The following FBLN1 variants were observed in gnomAD, a reference collection of about 807,000 sequenced individuals.
The protein encoded by FBLN1 is fibulin 1, also known as fibulin-1.
FBLN1 carries 34 observed loss-of-function variants against 89.7 expected under a neutral mutation model. That is an observed-to-expected ratio of 0.38 (90% CI 0.29 to 0.50). The LOEUF (loss-of-function observed/expected upper bound fraction) is 0.50. Ranked by LOEUF, FBLN1 falls within the 20% of genes least tolerant of loss-of-function variation. The pLI, the probability that FBLN1 is intolerant of heterozygous loss-of-function variation, is 0.92. For missense variants in FBLN1, 777 were observed against 988.1 expected (o/e 0.79, Z 2.86); for synonymous variants, 393 against 391.3 (o/e 1.00, Z -0.05).
At chr22:45,541,993 G>T (rs550727234) in intron 9 of FBLN1, among the ~76,000 whole-genome samples, 162 bp from the exon 10 acceptor site, 1 of 152,372 alleles carries the variant, frequency 6.6e-6, no homozygotes, top group African/African-American at 2.4e-5. Context: ...TATCTTCCCA[G>T]TCCAGGGCCC....
In FBLN1 at chr22:45,533,201, G is replaced by A. The variant is rs1240116426; in HGVS notation, c.646+37G>A. 20 of 1,564,924 alleles carry A rather than the reference G, an allele frequency of 1.3e-5. 1 individual carries two copies. Among genetic ancestry groups the A allele is most frequent in the African/African-American group, 2.7e-5 (2 of 73,964 alleles). ...ATCCCAGGTGCCAGCAGGACTGGCCGGTCACTGTGCTTGGGAGCTCTGTGC... is the reference window on the plus strand; with the variant it reads ...ATCCCAGGTGCCAGCAGGACTGGCCAGTCACTGTGCTTGGGAGCTCTGTGC... On this transcript the variant is annotated intron_variant, in intron 6 of 16. Transcript: ENST00000327858.
chr22:45,592,242 A>G (rs1465523141), intron 16 of FBLN1, among the ~76,000 whole-genome samples: 1 of 152,116 alleles, frequency 6.6e-6, no homozygotes, highest in East Asian at 1.9e-4. Context: ...GTCTCCACCC[A>G]TGTCTCCTGC....
Position 45,565,024 on chromosome 22 carries a change from T to C in FBLN1, c.1698-9487T>C, listed in dbSNP as rs563978250. 449 of 1,612,506 alleles carry C rather than the reference T, an allele frequency of 2.8e-4. 4 individuals are homozygous for C. The South Asian group carries it at 4.5e-3, about 16-fold the overall frequency. ...AGATGGACCTGGACAGACAGTCAGC[T>C]CCACACCTTGCGCTGAGCAGCTGTG... On this transcript the variant is annotated intron_variant, in intron 14 of 16. Transcript: ENST00000327858.
chr22:45,511,750 C>T (rs2088104157), intron 1 of FBLN1, among the ~76,000 whole-genome samples: 1 of 152,122 alleles, frequency 6.6e-6, no homozygotes, highest in African/African-American at 2.4e-5. Flanking sequence ...CTCCCGGCCT[C>T]TTCCCCCATT....
chr22:45,551,614 GT>G (rs1411573615), intron 14 of FBLN1, among the ~76,000 whole-genome samples: 1 of 152,210 alleles, frequency 6.6e-6, no homozygotes, highest in Non-Finnish European at 1.5e-5. Context: ...ACGGATTTCT[GT>G]CTGCTTGAAA....
chr22:45,511,587 C>T (rs1423028503), intron 1 of FBLN1, among the ~76,000 whole-genome samples: 3 of 151,916 alleles, frequency 2.0e-5, no homozygotes, highest in African/African-American at 7.3e-5. Flanking sequence ...GCTGGGATTT[C>T]AGGTGCCCGC....
Position 45,532,902 on chromosome 22 carries a change from G to A in FBLN1, c.545-161G>A, listed in dbSNP as rs2088428323. 1 of 670,792 alleles carries A rather than the reference G, an allele frequency of 1.5e-6. No homozygotes were observed. The highest frequency in any genetic ancestry group is 1.7e-5 in the South Asian group (1 of 58,514). 41.6% of individuals were successfully genotyped at this position (670,792 alleles called of 1,614,324 possible). A position where few individuals can be genotyped will look rare whatever the true frequency, so the allele number is the denominator to read the frequency against. On this transcript the variant is annotated intron_variant, in intron 5 of 16. Coordinates refer to ENST00000327858, the MANE Select transcript of FBLN1 (RefSeq NM_006486.3). The surrounding 1 kb of genome is among the most constrained non-coding windows in gnomAD (Gnocchi z 4.2). ...GGGGGTGTCCAGAGCCAGAGCCTGG[G>A]GGTCTCCCAGTAGGGCAGCAGGTGG... is the stretch of plus-strand genomic sequence containing the variant.
intron 7 of FBLN1, among the ~76,000 whole-genome samples, chr22:45,534,292 CAAAAAAAAAAAAA>C (rs136746): frequency 6.0e-5 from 5 of 83,230 alleles, no homozygotes; most frequent in East Asian, 4.4e-4. Context: ...GTACTTTCTA[CAAAAAAAAAAAAA>C]AAAAAAAAAA....
In FBLN1 at chr22:45,574,698, C is replaced by T; in HGVS notation, c.1840+45C>T. On this transcript the variant is annotated intron_variant, in intron 15 of 16. Coordinates refer to ENST00000327858, the MANE Select transcript of FBLN1 (RefSeq NM_006486.3). The surrounding 1 kb of genome is among the most constrained non-coding windows in gnomAD (Gnocchi z 4.1). ...GGGTCCCAGGGCCCCCTAGGGCCTC[C>T]CTCGGCTTCAGCTGAGGGCTTGGCC... 6.3e-7 allele frequency: 1 copy of T among 1,590,770 alleles called. No individual in the cohort carries two copies. The highest frequency in any genetic ancestry group is 8.6e-7 in the Non-Finnish European group (1 of 1,166,316).
At chr22:45,567,662 A>G (rs1055435336) in intron 14 of FBLN1, among the ~76,000 whole-genome samples, 1 of 152,174 alleles carries the variant, frequency 6.6e-6, no homozygotes, top group African/African-American at 2.4e-5. Context: ...GGAAAGGCAG[A>G]TGCATTATTT....
At chr22:45,511,765 C>T (rs2088104382) in intron 1 of FBLN1, among the ~76,000 whole-genome samples, 1 of 152,078 alleles carries the variant, frequency 6.6e-6, no homozygotes, top group Non-Finnish European at 1.5e-5. Flanking sequence ...CCCATTTTTA[C>T]AGATGAAGGA....
chr22:45,535,824 C>A (rs1005833376), intron 8 of FBLN1, among the ~76,000 whole-genome samples: 29 of 152,208 alleles, frequency 1.9e-4, no homozygotes, highest in Admixed American at 1.8e-3. Context: ...AGTACTGGTA[C>A]ACAGGAAGCA....
At chr22:45,589,865 G>T (rs1427429499) in intron 16 of FBLN1, among the ~76,000 whole-genome samples, 3 of 151,996 alleles carry the variant, frequency 2.0e-5, no homozygotes, top group African/African-American at 4.8e-5. Context: ...CCCTTTTCTT[G>T]TTGGGCACCT....
At position 45,563,864 on chromosome 22, in the gene FBLN1, A is replaced by G. The variant is rs1303866550; in HGVS notation, c.1698-10647A>G. On this transcript the variant is annotated intron_variant, in intron 14 of 16. Transcript: ENST00000327858. The surrounding 1 kb of genome is among the most constrained non-coding windows in gnomAD (Gnocchi z 5.7). ...GCCTCCTCTTCTGTTTGTCTTGATCAGAAGCCCAAATCTGTGGTGCAGAAA... is the reference window on the plus strand; with the variant it reads ...GCCTCCTCTTCTGTTTGTCTTGATCGGAAGCCCAAATCTGTGGTGCAGAAA... 6.6e-6 allele frequency among the ~76,000 whole-genome samples: 1 copy of G among 152,192 alleles called. No homozygotes were observed. The highest frequency in any genetic ancestry group is 1.5e-5 in the Non-Finnish European group (1 of 68,032).
chr22:45,597,461 T>TG lies in FBLN1; in HGVS notation c.1973-2844dup, dbSNP rs1486986718. Among the ~76,000 whole-genome samples the TG allele has an allele frequency of 1.3e-5, 2 of 152,144 alleles. No homozygotes were observed. The highest frequency in any genetic ancestry group is 2.9e-5 in the Non-Finnish European group (2 of 68,034). ...TCTCTGCGCCTAGTACCAGTAAAGTTGGCAGGTCACTGTGGCTAGCGGGGG... is the reference window on the plus strand; with the variant it reads ...TCTCTGCGCCTAGTACCAGTAAAGTTGGGCAGGTCACTGTGGCTAGCGGGGG... On this transcript the variant is annotated intron_variant, in intron 16 of 16. Transcript: ENST00000327858. The surrounding 1 kb of genome is among the most constrained non-coding windows in gnomAD (Gnocchi z 4.2).
At position 45,536,888 on chromosome 22, in the gene FBLN1, G is replaced by A. The variant is rs1301234843; in HGVS notation, c.922+1551G>A. On this transcript the variant is annotated intron_variant, in intron 8 of 16. Transcript: ENST00000327858. This position sits in a 1 kb window ranked among gnomAD's most constrained non-coding sequence, Gnocchi z 5.1. ...CAAGACCGCTCACGCTAGAGGAGCT[G>A]TGTGGGGTGCGGCCGGGGAGCTGGC... is the stretch of plus-strand genomic sequence containing the variant. Among the ~76,000 whole-genome samples the A allele has an allele frequency of 6.6e-6, 1 of 152,264 alleles. No homozygotes were observed. The highest frequency in any genetic ancestry group is 2.4e-5 in the African/African-American group (1 of 41,476).
At chr22:45,542,665 G>A (rs912785542) in intron 10 of FBLN1, among the ~76,000 whole-genome samples, 3 of 152,206 alleles carry the variant, frequency 2.0e-5, no homozygotes, top group Admixed American at 1.3e-4. Context: ...CCAGGGCAGC[G>A]AGGGGAAAAG....
chr22:45,573,406 T>G (rs2088966481), intron 14 of FBLN1, among the ~76,000 whole-genome samples: 1 of 151,730 alleles, frequency 6.6e-6, no homozygotes, highest in African/African-American at 2.4e-5. Context: ...CCGGGCTCGG[T>G]GGCTCAGGCC....
In FBLN1 at chr22:45,559,812, G is replaced by A. The variant is rs140014847; in HGVS notation, c.1697+9197G>A. On this transcript the variant is annotated intron_variant, in intron 14 of 16. Coordinates refer to ENST00000327858, the MANE Select transcript of FBLN1 (RefSeq NM_006486.3). ...GCAGTTACTCTGGTAAAAGGCCAGA[G>A]GTCTCTTTGGGGAAGGATGGGAGAA... Among the ~76,000 whole-genome samples the A allele has an allele frequency of 9.0e-3, 1,368 of 152,270 alleles. 11 individuals are homozygous for A. The highest frequency in any genetic ancestry group is 0.014 in the Non-Finnish European group (965 of 68,020).
Sources: gnomAD v4.1 joint callset for allele counts (sites outside exome capture counted in the v4.1 genomes callset) on GRCh38, gnomAD v4.1.1 for gene constraint, Gnocchi (gnomAD v3.1) non-coding constraint, MANE v1.5 for transcripts, NCBI Gene and HGNC (gene_info 2026-07-23, HGNC 2026-07-21) for gene names.